Variants in PPP6R1 observed in about 807,000 individuals in gnomAD.
The protein encoded by PPP6R1 is protein phosphatase 6 regulatory subunit 1, also known as serine/threonine-protein phosphatase 6 regulatory subunit 1.
In PPP6R1, 39 loss-of-function variants were observed where a neutral mutation model predicts 104.6. That is an observed-to-expected ratio of 0.37 (90% CI 0.29 to 0.49). The LOEUF is 0.49. Among genes scored for constraint, PPP6R1 ranks in the 20% least tolerant of loss-of-function variants. The probability of loss-of-function intolerance (pLI) is 0.98; values close to 1 mark genes in which losing one functional copy is unlikely to be tolerated. For missense variants in PPP6R1, 1,181 were observed against 1,155.8 expected (o/e 1.02, Z -0.32); for synonymous variants, 549 against 479.0 (o/e 1.15, Z -1.91).
At position 55,238,357 on chromosome 19, in the gene PPP6R1, A is replaced by G. The variant is rs576746719; in HGVS notation, c.1751+1048T>C. Among the ~76,000 whole-genome samples, 6 of 152,336 alleles carry G rather than the reference A, an allele frequency of 3.9e-5. No individual in the cohort carries two copies. The South Asian group carries it at 1.0e-3, about 26-fold the overall frequency. On this transcript the variant is annotated intron_variant, in intron 15 of 23. Transcript: ENST00000412770. The stretch of plus-strand genomic sequence containing the variant: ...CCTCTGTCCAGCTGTGGACTAAGCC[A>G]GGAACAGCTGACTATCCCTCATCGT...
intron 1 of PPP6R1, among the ~76,000 whole-genome samples, chr19:55,257,931 G>C (rs1292792779): frequency 6.6e-6 from 1 of 152,268 alleles, no homozygotes; most frequent in Admixed American, 6.5e-5. Flanking sequence ...CAAGAAGCCG[G>C]AGGCGGGAGA....
At chr19:55,242,735 C>T (rs1013926071) in intron 5 of PPP6R1, 32 of 498,504 alleles carry the variant, frequency 6.4e-5, no homozygotes, top group African/African-American at 1.9e-5. Flanking sequence ...TGACCGCATA[C>T]AGGGCTGGCA....
intron 1 of PPP6R1, among the ~76,000 whole-genome samples, chr19:55,255,266 C>T (rs1600119514): frequency 6.6e-6 from 1 of 152,302 alleles, no homozygotes; most frequent in East Asian, 1.9e-4. Context: ...CATCCACATT[C>T]AAATCGTCTC....
At chr19:55,252,246 T>C (rs1423304615) in intron 1 of PPP6R1, among the ~76,000 whole-genome samples, 1 of 152,158 alleles carries the variant, frequency 6.6e-6, no homozygotes, top group East Asian at 1.9e-4. Flanking sequence ...ATTTTTTTTC[T>C]TGAGACAGAG....
intron 1 of PPP6R1, among the ~76,000 whole-genome samples, chr19:55,251,117 C>A (rs1039108269): frequency 1.3e-5 from 2 of 152,198 alleles, no homozygotes; most frequent in African/African-American, 4.8e-5. Context: ...CTGGCTCAAG[C>A]AGCCCCCAGC....
chr19:55,256,195 C>T (rs145285674), intron 1 of PPP6R1, among the ~76,000 whole-genome samples: 1 of 152,342 alleles, frequency 6.6e-6, no homozygotes, highest in Non-Finnish European at 1.5e-5. Flanking sequence ...TCGCAATACA[C>T]AACTCACCAA....
At chr19:55,237,866 G>C (rs938403329) in intron 15 of PPP6R1, among the ~76,000 whole-genome samples, 1 of 152,206 alleles carries the variant, frequency 6.6e-6, no homozygotes, top group Admixed American at 6.5e-5. Flanking sequence ...TCAGCCTTGA[G>C]ATGATCAAAC....
intron 1 of PPP6R1, among the ~76,000 whole-genome samples, chr19:55,257,627 T>A (rs1034180184): frequency 1.3e-5 from 2 of 152,092 alleles, no homozygotes; most frequent in African/African-American, 4.8e-5. Flanking sequence ...TACTCATCCT[T>A]CCTAGACAGA....
Position 55,241,135 on chromosome 19 carries a change from ACCCCTGAGCCCCCAG to A in PPP6R1, c.1162-71_1162-57del, listed in dbSNP as rs1020602201. ...AGGCCCCGCCCCAGCCGAGCCCCCA[ACCCCTGAGCCCCCAG>A]CCGAGCCCCCACCCCAGCCCCCGAA... On this transcript the variant is annotated intron_variant, in intron 9 of 23. Transcript: ENST00000412770. This position sits in a 1 kb window ranked among gnomAD's most constrained non-coding sequence, Gnocchi z 5.4. The A allele has an allele frequency of 2.1e-5, 29 of 1,401,252 alleles. No homozygotes were observed. Among genetic ancestry groups the A allele is most frequent in the Non-Finnish European group, 2.5e-5 (27 of 1,062,294 alleles). 86.8% of individuals were successfully genotyped at this position (1,401,252 alleles called of 1,614,324 possible).
Position 55,236,835 on chromosome 19 carries a change from G to C in PPP6R1, c.1810-14C>G, listed in dbSNP as rs760072606. 5.0e-6 allele frequency: 8 copies of C among 1,613,908 alleles called. No homozygotes were observed. The East Asian group carries it at 1.1e-4, about 22-fold the overall frequency. ...GTTGGCGTTGGGCTGCAGGGCACAG[G>C]GGTGGGAGGATGGGCCACACTGCCC... On this transcript the variant is annotated splice_polypyrimidine_tract_variant and intron_variant, in intron 16 of 23. Transcript: ENST00000412770.
downstream of PPP6R1, chr19:55,228,780 G>C (rs755398993): frequency 6.2e-7 from 1 of 1,607,024 alleles, no homozygotes; most frequent in Non-Finnish European, 8.5e-7. Context: ...ATCTGGGAGC[G>C]AGTGGCTTCA....
chr19:55,241,204 G>T lies in PPP6R1; in HGVS notation c.1161+35C>A. The T allele has an allele frequency of 1.2e-6, 1 of 847,762 alleles. No individual in the cohort carries two copies. Among genetic ancestry groups the T allele is most frequent in the Non-Finnish European group, 1.5e-6 (1 of 645,994 alleles). 52.5% of individuals were successfully genotyped at this position (847,762 alleles called of 1,614,324 possible). A position where few individuals can be genotyped will look rare whatever the true frequency, so the allele number is the denominator to read the frequency against. On this transcript the variant is annotated intron_variant, in intron 9 of 23. Coordinates refer to ENST00000412770, the MANE Select transcript of PPP6R1 (RefSeq NM_014931.4). The surrounding 1 kb of genome is among the most constrained non-coding windows in gnomAD (Gnocchi z 5.4). ...TCAGCCCAGTCCAGTCCCCGCCCCA[G>T]CCCCTGAACCCCCAGCCCGGTCCAG...
chr19:55,239,937 G>A lies in PPP6R1; in HGVS notation c.1478-26C>T, dbSNP rs199945445. 33 of 1,613,298 alleles carry A rather than the reference G, an allele frequency of 2.0e-5. No individual in the cohort carries two copies. In the Admixed American group the frequency reaches 3.2e-4, roughly 15 times the overall value. On this transcript the variant is annotated intron_variant, in intron 12 of 23. Transcript: ENST00000412770. ...CTGCTTAGGTGAGAGGGGTGAAGAC[G>A]TGAGGCATCTCGGGGCTTCAAGCCC...
At chr19:55,242,781 T>C (rs541569055) in intron 5 of PPP6R1, among the ~76,000 whole-genome samples, 7 of 152,318 alleles carry the variant, frequency 4.6e-5, no homozygotes, top group Non-Finnish European at 7.3e-5. Flanking sequence ...CTCTGACTGA[T>C]GAGTGAATAT....
At chr19:55,256,769 C>T (rs1437194637) in intron 1 of PPP6R1, among the ~76,000 whole-genome samples, 1 of 152,252 alleles carries the variant, frequency 6.6e-6, no homozygotes, top group Non-Finnish European at 1.5e-5. Context: ...GGGAAAATCA[C>T]TTGAGTCCAG....
intron 17 of PPP6R1, among the ~76,000 whole-genome samples, chr19:55,234,174 T>C (rs2087374138): frequency 1.3e-5 from 2 of 152,196 alleles, no homozygotes; most frequent in South Asian, 2.1e-4. Flanking sequence ...CTCAAACTCC[T>C]GACCTCAGGT....
chr19:55,254,887 A>C (rs998789593), intron 1 of PPP6R1, among the ~76,000 whole-genome samples: 2 of 152,250 alleles, frequency 1.3e-5, no homozygotes, highest in African/African-American at 4.8e-5. Flanking sequence ...CCAGGGATGC[A>C]GTGACAGTAA....
Position 55,230,642 on chromosome 19 carries a change from G to C in PPP6R1, c.2613C>G (p.Ala871=), listed in dbSNP as rs924928065. 6.2e-7 allele frequency: 1 copy of C among 1,610,572 alleles called. No homozygotes were observed. Among genetic ancestry groups the C allele is most frequent in the Non-Finnish European group, 8.5e-7 (1 of 1,178,484 alleles). The change falls in exon 23 of 24, where the codon GCC becomes GCG. Residue 871 remains alanine (A), a synonymous_variant. Transcript: ENST00000412770. ...AGCCTGGGGATGCAGGCCCTTCCGG[G>C]GCAGAGCCATTGGGTATCGGAGGAG... ...LTPPPIPNGS[A]PEGPASPGSQ
chr19:55,249,309 T>C (rs1011749109), intron 1 of PPP6R1, among the ~76,000 whole-genome samples: 3 of 152,170 alleles, frequency 2.0e-5, no homozygotes, highest in African/African-American at 7.2e-5. Context: ...TGGCACAATC[T>C]AGGTTCACCT....
Sources: gnomAD v4.1 joint callset for allele counts (sites outside exome capture counted in the v4.1 genomes callset) on GRCh38, gnomAD v4.1.1 for gene constraint, Gnocchi (gnomAD v3.1) non-coding constraint, MANE v1.5 for transcripts, NCBI Gene and HGNC (gene_info 2026-07-23, HGNC 2026-07-21) for gene names.